Variants in PDGFRL observed in about 807,000 individuals in gnomAD.
The protein encoded by PDGFRL is platelet derived growth factor receptor like, also known as platelet-derived growth factor receptor-like protein.
PDGFRL carries 46 observed loss-of-function variants against 37.2 expected under a neutral mutation model. The ratio of observed to expected loss-of-function variants is 1.24; its 90% CI spans 0.98 to 1.58. PDGFRL has a LOEUF of 1.58. PDGFRL is among the 40% of genes most tolerant of loss of function. The pLI is 0.00. For missense variants in PDGFRL, 692 were observed against 467.6 expected (o/e 1.48, Z -4.43); for synonymous variants, 251 against 184.3 (o/e 1.36, Z -2.93).
intron 5 of PDGFRL, among the ~76,000 whole-genome samples, chr8:17,639,027 C>T (rs4921789): frequency 0.78 from 116,877 of 150,804 alleles, 47,274 homozygotes; most frequent in Non-Finnish European, 0.9. Context: ...CCAGTCTGGC[C>T]GACAGAGTGA....
At chr8:17,637,546 C>T (rs567064958) in intron 5 of PDGFRL, among the ~76,000 whole-genome samples, 2 of 152,092 alleles carry the variant, frequency 1.3e-5, no homozygotes, top group South Asian at 2.1e-4. Context: ...TTTGTTATGT[C>T]CTTTCCTGGT....
intron 5 of PDGFRL, among the ~76,000 whole-genome samples, chr8:17,634,742 C>T (rs994708694): frequency 6.6e-6 from 1 of 152,090 alleles, no homozygotes; most frequent in Non-Finnish European, 1.5e-5. Context: ...ACCTCATGTT[C>T]TCACTTTTAA....
At chr8:17,630,138 C>A (rs1053146044) in intron 4 of PDGFRL, among the ~76,000 whole-genome samples, 1 of 152,196 alleles carries the variant, frequency 6.6e-6, no homozygotes, top group African/African-American at 2.4e-5. Context: ...TCTACCCTGC[C>A]TGGTGTCCTC....
At chr8:17,589,336 A>C in intron 1 of PDGFRL, 132 bp from the exon 2 acceptor site, 1 of 698,654 alleles carries the variant, frequency 1.4e-6, no homozygotes, top group Non-Finnish European at 2.5e-6. Context: ...CAGTGAGCTG[A>C]GATTATGCCA....
intron 2 of PDGFRL, among the ~76,000 whole-genome samples, chr8:17,611,779 C>G (rs987537122): frequency 1.3e-5 from 2 of 152,154 alleles, no homozygotes; most frequent in African/African-American, 4.8e-5. Context: ...GAAAGTATAT[C>G]TGATACGTGA....
intron 3 of PDGFRL, among the ~76,000 whole-genome samples, chr8:17,625,236 C>G (rs1804710235): frequency 6.6e-6 from 1 of 150,864 alleles, no homozygotes; most frequent in Non-Finnish European, 1.5e-5. Flanking sequence ...ACTGCAACCT[C>G]CGACTCCCCG....
rs1804922124 is a variant in PDGFRL at position 17,634,208 on chromosome 8, C to G, written c.934C>G (p.Gln312Glu). Residue 312 changes from glutamine (Q) to glutamate (E), a missense_variant, in exon 5 of 6, where the codon CAG (glutamine) becomes GAG (glutamate). Gln to Glu is a conservative substitution (Grantham distance 29). Transcript: ENST00000251630. ...EVEFTWIFPG[Q>E]KDERPVTIQD... Reference sequence around the variant, plus strand: ...GGAGTTCACCTGGATCTTCCCAGGGCAGAAGGTAAGTGTTGTACCTGCATC... The same window carrying G: ...GGAGTTCACCTGGATCTTCCCAGGGGAGAAGGTAAGTGTTGTACCTGCATC... 1 of 1,611,238 alleles carries G rather than the reference C, an allele frequency of 6.2e-7. No homozygotes were observed.
At chr8:17,608,242 T>G (rs184440739) in intron 2 of PDGFRL, among the ~76,000 whole-genome samples, 530 of 152,302 alleles carry the variant, frequency 3.5e-3, no homozygotes, top group Non-Finnish European at 6.0e-3. Flanking sequence ...TCCATCCCAC[T>G]GCCTAGATCC....
At position 17,579,521 on chromosome 8, in the gene PDGFRL, TAA is replaced by T. The variant is rs33954983; in HGVS notation, c.55+2217_55+2218del. On this transcript the variant is annotated intron_variant, in intron 1 of 5. Transcript: ENST00000251630. ...GCCTTTTAGTTTTTCTGATCACATC[TAA>T]AAGACAGTCTTTATTATTATTTTAT... Among the ~76,000 whole-genome samples, 1,001 of 131,188 alleles carry T rather than the reference TAA, an allele frequency of 7.6e-3. 18 individuals carry two copies. Among genetic ancestry groups the T allele is most frequent in the African/African-American group, 0.027 (931 of 34,222 alleles). 86.1% of individuals were successfully genotyped at this position (131,188 alleles called of 152,430 possible).
At chr8:17,622,274 A>G (rs1804650037) in intron 3 of PDGFRL, among the ~76,000 whole-genome samples, 1 of 152,230 alleles carries the variant, frequency 6.6e-6, no homozygotes, top group Admixed American at 6.5e-5. Context: ...AGCTTTCAGG[A>G]ATCTTACAAA....
chr8:17,609,637 A>T (rs1304235675), intron 2 of PDGFRL, among the ~76,000 whole-genome samples: 1 of 71,712 alleles, frequency 1.4e-5, no homozygotes, highest in Non-Finnish European at 2.7e-5. Flanking sequence ...GACTCTGTAA[A>T]AAAAAAAAAA....
At chr8:17,589,330 G>A (rs1238383005) in intron 1 of PDGFRL, 138 bp from the exon 2 acceptor site, 3 of 687,014 alleles carry the variant, frequency 4.4e-6, no homozygotes, top group African/African-American at 3.6e-5. Flanking sequence ...AGGTTGCAGT[G>A]AGCTGAGATT....
At chr8:17,612,679 C>A (rs1253821300) in intron 2 of PDGFRL, among the ~76,000 whole-genome samples, 3 of 152,184 alleles carry the variant, frequency 2.0e-5, no homozygotes, top group Non-Finnish European at 4.4e-5. Context: ...CCCAGTTTTT[C>A]TTTTCTTATT....
At chr8:17,632,565 G>A (rs921934036) in intron 4 of PDGFRL, among the ~76,000 whole-genome samples, 3 of 152,148 alleles carry the variant, frequency 2.0e-5, no homozygotes, top group Admixed American at 2.0e-4. Context: ...TCGAACTCCT[G>A]ACCTCAGGTG....
At chr8:17,599,695 C>A (rs960711907) in intron 2 of PDGFRL, among the ~76,000 whole-genome samples, 1 of 152,166 alleles carries the variant, frequency 6.6e-6, no homozygotes, top group Non-Finnish European at 1.5e-5. Flanking sequence ...GTCACTTTTT[C>A]TCTCTTCTTA....
intron 3 of PDGFRL, among the ~76,000 whole-genome samples, chr8:17,625,134 T>TA: frequency 5.9e-4 from 2 of 3,412 alleles, no homozygotes; most frequent in South Asian, 0.067. Context: ...AAGCTATCCC[T>TA]CCCCCCCCCG....
At chr8:17,614,143 C>T (rs557051612) in intron 2 of PDGFRL, among the ~76,000 whole-genome samples, 7 of 152,100 alleles carry the variant, frequency 4.6e-5, no homozygotes, top group South Asian at 4.1e-4. Context: ...TAGATTGATT[C>T]GTAATAGATA....
intron 3 of PDGFRL, among the ~76,000 whole-genome samples, chr8:17,627,470 A>ATT (rs11367536): frequency 0.49 from 72,251 of 147,154 alleles, 19,684 homozygotes; most frequent in East Asian, 0.67. Context: ...ACCGATTGCA[A>ATT]TTTTTTTTTT....
intron 3 of PDGFRL, 71 bp downstream of exon 3, chr8:17,621,273 C>T (rs1047937458): frequency 9.8e-7 from 1 of 1,017,986 alleles, no homozygotes; most frequent in Non-Finnish European, 1.5e-6. Flanking sequence ...GGTTCCCCCA[C>T]TGCATGCTGA....
Sources: allele counts gnomAD v4.1 joint callset (sites outside exome capture counted in the v4.1 genomes callset), GRCh38; gene constraint gnomAD v4.1.1; transcripts MANE v1.5; gene names NCBI Gene and HGNC (gene_info 2026-07-23, HGNC 2026-07-21).